STK3: variants seen among roughly 807,000 people sequenced by gnomAD.
STK3 encodes the protein serine/threonine-protein kinase 3.
STK3 carries 41 observed loss-of-function variants against 58.0 expected under a neutral mutation model. The observed-to-expected ratio is 0.71, with a 90% confidence interval of 0.55 to 0.92. The LOEUF (loss-of-function observed/expected upper bound fraction) is 0.92, where lower values mean the gene tolerates loss of function less well. STK3 is among the 40% of genes least tolerant of loss of function. The pLI, the probability that STK3 is intolerant of heterozygous loss-of-function variation, is 0.00. For synonymous variants in STK3, 170 were observed against 191.0 expected (o/e 0.89, Z 0.91); for missense variants, 479 against 602.7 (o/e 0.79, Z 2.15).
intron 9 of STK3, among the ~76,000 whole-genome samples, chr8:98,543,205 A>G (rs1429637193): frequency 6.6e-6 from 1 of 152,194 alleles, no homozygotes; most frequent in Non-Finnish European, 1.5e-5. Flanking sequence ...GGCCAAAGGT[A>G]AAAAAGCTCT....
At chr8:98,777,538 G>A (rs1474536855) in intron 1 of STK3, among the ~76,000 whole-genome samples, 1 of 152,050 alleles carries the variant, frequency 6.6e-6, no homozygotes, top group African/African-American at 2.4e-5. Flanking sequence ...TAGCAGAAAT[G>A]GTTCTGAATC....
chr8:98,400,747 G>A (rs1817933773), downstream of STK3, among the ~76,000 whole-genome samples: 1 of 151,996 alleles, frequency 6.6e-6, no homozygotes, highest in South Asian at 2.1e-4. Context: ...TTGATTTGAA[G>A]TCTATTTCAG....
intron 3 of STK3, among the ~76,000 whole-genome samples, chr8:98,394,882 C>T (rs1817883975): frequency 6.6e-6 from 1 of 152,204 alleles, no homozygotes; most frequent in Non-Finnish European, 1.5e-5. Context: ...AGAGAAGAAA[C>T]ATGACTAGTG....
intron 2 of STK3, among the ~76,000 whole-genome samples, chr8:98,373,402 C>T (rs1371766646): frequency 6.6e-6 from 1 of 152,182 alleles, no homozygotes; most frequent in Non-Finnish European, 1.5e-5. Flanking sequence ...GAAATGTCAT[C>T]AGTCATGACA....
chr8:98,700,697 T>A (rs572545886), intron 6 of STK3, among the ~76,000 whole-genome samples: 1 of 152,220 alleles, frequency 6.6e-6, no homozygotes, highest in Non-Finnish European at 1.5e-5. Flanking sequence ...ACATTCAGTA[T>A]TGCATTGCAT....
intron 1 of STK3, among the ~76,000 whole-genome samples, chr8:98,777,062 T>A (rs1251081797): frequency 2.0e-5 from 3 of 150,118 alleles, no homozygotes; most frequent in South Asian, 2.1e-4. Flanking sequence ...AAAAAAAAAA[T>A]TAATTAAAAA....
At chr8:98,805,404 G>A (rs1387113429) in intron 1 of STK3, among the ~76,000 whole-genome samples, 4 of 152,010 alleles carry the variant, frequency 2.6e-5, no homozygotes, top group African/African-American at 7.3e-5. Context: ...GTGAAACCCC[G>A]TCTCCACTAA....
chr8:98,479,498 G>A (rs906149558), intron 10 of STK3, among the ~76,000 whole-genome samples: 4 of 93,022 alleles, frequency 4.3e-5, no homozygotes, highest in African/African-American at 2.0e-4. Context: ...GGGGGGGGGG[G>A]GGGGCGGGAA....
At chr8:98,522,548 TATGCAAAAAA>T (rs1279325159) in intron 10 of STK3, among the ~76,000 whole-genome samples, 1 of 152,118 alleles carries the variant, frequency 6.6e-6, no homozygotes, top group Non-Finnish European at 1.5e-5. Flanking sequence ...ATGCATTTTT[TATGCAAAAAA>T]ATGCATAACA....
At chr8:98,486,176 C>T (rs1454239444) in intron 10 of STK3, among the ~76,000 whole-genome samples, 1 of 152,044 alleles carries the variant, frequency 6.6e-6, no homozygotes, top group Non-Finnish European at 1.5e-5. Context: ...GTTTCCTTAT[C>T]TATAAAACAG....
chr8:98,528,614 G>A (rs1825922927), intron 9 of STK3, among the ~76,000 whole-genome samples: 1 of 152,084 alleles, frequency 6.6e-6, no homozygotes, highest in African/African-American at 2.4e-5. Context: ...AGCCTCCCAA[G>A]TAGCTGGGAT....
intron 3 of STK3, among the ~76,000 whole-genome samples, chr8:98,848,669 G>T (rs1836311695): frequency 6.6e-6 from 1 of 152,180 alleles, no homozygotes. Flanking sequence ...CCTTGTGGTA[G>T]CATATATCAG....
chr8:98,807,355 CA>C (rs1363746278), intron 1 of STK3, among the ~76,000 whole-genome samples: 1 of 151,906 alleles, frequency 6.6e-6, no homozygotes, highest in East Asian at 1.9e-4. Context: ...CTCCTGAGTC[CA>C]AACAATTCTT....
At chr8:98,452,757 ATTTTTT>A (rs11329886), downstream of STK3, among the ~76,000 whole-genome samples, 1 of 110,470 alleles carries the variant, frequency 9.1e-6, no homozygotes, top group South Asian at 3.1e-4. Context: ...AGACTTGAAG[ATTTTTT>A]TTTTTTTTTT....
At chr8:98,617,581 A>G (rs975733910) in intron 6 of STK3, among the ~76,000 whole-genome samples, 34 of 152,254 alleles carry the variant, frequency 2.2e-4, no homozygotes, top group Non-Finnish European at 2.8e-4. Context: ...CTAACAAAGA[A>G]AAAAAGAGAG....
At chr8:98,887,490 T>A (rs1040531818) in intron 1 of STK3, among the ~76,000 whole-genome samples, 2 of 152,230 alleles carry the variant, frequency 1.3e-5, no homozygotes, top group Non-Finnish European at 1.5e-5. Context: ...CTATAATGGC[T>A]TCAAAATAAA....
At chr8:98,395,318 A>G (rs1185470988) in intron 3 of STK3, among the ~76,000 whole-genome samples, 1 of 152,210 alleles carries the variant, frequency 6.6e-6, no homozygotes, top group African/African-American at 2.4e-5. Context: ...CAGATTTTAC[A>G]TGGTTTAATT....
chr8:98,392,192 G>A (rs140393609), upstream of STK3, among the ~76,000 whole-genome samples: 1,183 of 152,194 alleles, frequency 7.8e-3, 21 homozygotes, highest in Non-Finnish European at 9.9e-3. Flanking sequence ...TGTGATAGTC[G>A]TTTGGGGACT....
At chr8:98,608,846 G>A (rs1056093408) in intron 6 of STK3, among the ~76,000 whole-genome samples, 1 of 152,180 alleles carries the variant, frequency 6.6e-6, no homozygotes, top group South Asian at 2.1e-4. Context: ...TCAAAATTTG[G>A]ATTCCCATGT....
Sources: gnomAD v4.1 joint callset for allele counts (sites outside exome capture counted in the v4.1 genomes callset) on GRCh38, gnomAD v4.1.1 for gene constraint, MANE v1.5 for transcripts, NCBI Gene and HGNC (gene_info 2026-07-23, HGNC 2026-07-21) for gene names.